The following LRP1B variants were observed in gnomAD, a reference collection of about 807,000 sequenced individuals.
LRP1B encodes the protein low-density lipoprotein receptor-related protein 1B.
Under a neutral mutation model 556.6 loss-of-function variants are expected in LRP1B, and 217 were observed. The ratio of observed to expected loss-of-function variants is 0.39; its 90% CI spans 0.35 to 0.44. The LOEUF (loss-of-function observed/expected upper bound fraction) is 0.44, where lower values mean the gene tolerates loss of function less well. LRP1B is among the 20% of genes least tolerant of loss of function. The probability of loss-of-function intolerance (pLI) is 1.00; values close to 1 mark genes in which losing one functional copy is unlikely to be tolerated. For synonymous variants in LRP1B, 2,047 were observed against 1,865.8 expected, an observed-to-expected ratio of 1.10 and a Z score of -2.50; for missense variants, 5,053 against 5,620.8, an observed-to-expected ratio of 0.90 and a Z score of 3.23.
intron 1 of LRP1B, among the ~76,000 whole-genome samples, chr2:142,061,365 G>A (rs1160546679): frequency 6.6e-6 from 1 of 151,950 alleles, no homozygotes; most frequent in Admixed American, 6.6e-5. Context: ...TTAAATAGGA[G>A]ACCTTTCAAG....
chr2:140,284,753 C>A (rs1262741309), intron 84 of LRP1B, among the ~76,000 whole-genome samples: 1 of 149,306 alleles, frequency 6.7e-6, no homozygotes, highest in Non-Finnish European at 1.5e-5. Flanking sequence ...TACAATGCAA[C>A]CAAAAATATG....
rs1172071502 is a variant in LRP1B at position 140,598,697 on chromosome 2, C to T, written c.7128G>A (p.Lys2376=). The change falls in exon 43 of 91, where the codon AAG becomes AAA. Residue 2376 remains lysine, a synonymous_variant. Transcript: ENST00000389484. ...NGLTIDYRAE[K]LYFSDGSLGK... ...CTAGACTGCCATCTGAGAAATACAG[C>T]TTCTCTGCACGGTAGTCGATAGTAA... 2.5e-6 allele frequency: 4 copies of T among 1,613,670 alleles called. No homozygotes were observed. The highest frequency in any genetic ancestry group is 4.5e-5 in the East Asian group (2 of 44,824).
intron 2 of LRP1B, among the ~76,000 whole-genome samples, chr2:141,692,075 C>G (rs900127655): frequency 3.3e-5 from 5 of 151,952 alleles, no homozygotes; most frequent in Non-Finnish European, 5.9e-5. Flanking sequence ...TATAACTCCT[C>G]TGGCAGATTT....
At chr2:140,748,392 ATATT>A (rs1295837249) in intron 35 of LRP1B, among the ~76,000 whole-genome samples, 1 of 91,962 alleles carries the variant, frequency 1.1e-5, no homozygotes. Flanking sequence ...TTCATATATT[ATATT>A]CATATATTAT....
intron 29 of LRP1B, among the ~76,000 whole-genome samples, chr2:140,849,325 T>C (rs1307707608): frequency 2.0e-5 from 3 of 148,502 alleles, no homozygotes; most frequent in Non-Finnish European, 3.0e-5. Flanking sequence ...TGAGCCGAGA[T>C]CGTGCCACTG....
chr2:141,330,277 T>G (rs1031018923), intron 3 of LRP1B, among the ~76,000 whole-genome samples: 3 of 152,182 alleles, frequency 2.0e-5, no homozygotes, highest in Non-Finnish European at 2.9e-5. Flanking sequence ...AAAACTGGAC[T>G]AATGGGGTTT....
intron 2 of LRP1B, among the ~76,000 whole-genome samples, chr2:141,773,341 C>T (rs1032175980): frequency 1.3e-5 from 2 of 152,026 alleles, no homozygotes; most frequent in African/African-American, 2.4e-5. Context: ...ATCATTAAAC[C>T]CTTACTGCCC....
chr2:141,665,085 G>A (rs986807207), intron 2 of LRP1B, among the ~76,000 whole-genome samples: 1 of 152,112 alleles, frequency 6.6e-6, no homozygotes, highest in Non-Finnish European at 1.5e-5. Flanking sequence ...TAACAAACCT[G>A]ACAGAAACAA....
At chr2:141,243,814 T>A (rs1683970050) in intron 5 of LRP1B, among the ~76,000 whole-genome samples, 1 of 152,166 alleles carries the variant, frequency 6.6e-6, no homozygotes, top group African/African-American at 2.4e-5. Context: ...AAAATTTGTC[T>A]GCATTACATG....
At chr2:140,349,893 A>G (rs1681878884) in intron 77 of LRP1B, among the ~76,000 whole-genome samples, 1 of 152,170 alleles carries the variant, frequency 6.6e-6, no homozygotes, top group African/African-American at 2.4e-5. Context: ...TAAAACCAGC[A>G]TATTGCCATC....
chr2:140,411,577 C>T (rs190367749), intron 66 of LRP1B, among the ~76,000 whole-genome samples: 3 of 152,032 alleles, frequency 2.0e-5, no homozygotes. Context: ...ATGTGACATG[C>T]CCAAGTCACA....
chr2:141,769,007 C>T (rs555271631), intron 2 of LRP1B, among the ~76,000 whole-genome samples: 53 of 151,952 alleles, frequency 3.5e-4, no homozygotes, highest in African/African-American at 1.3e-3. Flanking sequence ...ATTATTATTC[C>T]CATTTTGCAG....
At chr2:140,819,524 G>C (rs1691245487) in intron 31 of LRP1B, among the ~76,000 whole-genome samples, 1 of 152,146 alleles carries the variant, frequency 6.6e-6, no homozygotes, top group Non-Finnish European at 1.5e-5. Context: ...ATGGGCAAAA[G>C]AGATGGAGCA....
chr2:141,679,873 T>TA (rs886803317), intron 2 of LRP1B, among the ~76,000 whole-genome samples: 19 of 151,334 alleles, frequency 1.3e-4, no homozygotes, highest in African/African-American at 3.9e-4. Context: ...ATATGAGATA[T>TA]AAAAAATACT....
chr2:140,362,519 C>T (rs536289691), intron 72 of LRP1B, among the ~76,000 whole-genome samples: 54 of 151,792 alleles, frequency 3.6e-4, no homozygotes, highest in African/African-American at 1.3e-3. Flanking sequence ...ATAGGTTTAT[C>T]TGGCTACAAT....
At chr2:140,742,100 C>G (rs185087457) in intron 35 of LRP1B, among the ~76,000 whole-genome samples, 6 of 152,028 alleles carry the variant, frequency 3.9e-5, no homozygotes, top group African/African-American at 1.4e-4. Flanking sequence ...TTTTCATATG[C>G]GATTAAGAAT....
At chr2:140,588,108 G>A (rs905367292) in intron 43 of LRP1B, among the ~76,000 whole-genome samples, 4 of 152,140 alleles carry the variant, frequency 2.6e-5, no homozygotes, top group Non-Finnish European at 5.9e-5. Flanking sequence ...AGGGAAGTAA[G>A]CAATTAAAGA....
intron 2 of LRP1B, among the ~76,000 whole-genome samples, chr2:141,518,586 T>A (rs1684410548): frequency 6.6e-6 from 1 of 152,120 alleles, no homozygotes; most frequent in Admixed American, 6.6e-5. Context: ...AGTGTTTGGA[T>A]TTTTTCCCAT....
intron 2 of LRP1B, among the ~76,000 whole-genome samples, chr2:141,495,989 T>C (rs1683495146): frequency 6.6e-6 from 1 of 152,112 alleles, no homozygotes; most frequent in Admixed American, 6.6e-5. Context: ...TGCTTATTTA[T>C]ATGTAAAACT....
Sources: gnomAD v4.1 joint callset for allele counts (sites outside exome capture counted in the v4.1 genomes callset) on GRCh38, gnomAD v4.1.1 for gene constraint, MANE v1.5 for transcripts, NCBI Gene and HGNC (gene_info 2026-07-23, HGNC 2026-07-21) for gene names.